Variants in SKAP2 observed in about 807,000 individuals in gnomAD.
SKAP2 encodes src kinase associated phosphoprotein 2.
SKAP2 carries 28 observed loss-of-function variants against 54.9 expected under a neutral mutation model. The observed-to-expected ratio is 0.51, with a 90% CI of 0.38 to 0.70. SKAP2 has a LOEUF of 0.70. SKAP2 is among the 30% of genes least tolerant of loss of function. The pLI is 0.00. For synonymous variants in SKAP2, 137 were observed against 134.3 expected, an observed-to-expected ratio of 1.02 and a Z score of -0.14; for missense variants, 356 against 424.1, an observed-to-expected ratio of 0.84 and a Z score of 1.41.
At chr7:26,786,850 G>T (rs757028705) in intron 4 of SKAP2, among the ~76,000 whole-genome samples, 17 of 151,704 alleles carry the variant, frequency 1.1e-4, no homozygotes, top group South Asian at 4.2e-4. Flanking sequence ...TTTTTTTAAG[G>T]TTAACTTAAC....
In SKAP2 at chr7:26,667,961, G is replaced by C. The variant is rs1309647040; in HGVS notation, c.*1705C>G. 1 of 152,082 alleles carries C rather than the reference G, an allele frequency of 6.6e-6. No individual in the cohort carries two copies. Among genetic ancestry groups the C allele is most frequent in the African/African-American group, 2.4e-5 (1 of 41,402 alleles). The allele number at this position is 152,082 out of a possible 1,614,324, so 9.4% of individuals were successfully genotyped here. ...TTCAATGGCACTATATGAGGAAAAGGTAAGAACTGCACAAATGTAACTTCT... is the reference window on the plus strand; with the variant it reads ...TTCAATGGCACTATATGAGGAAAAGCTAAGAACTGCACAAATGTAACTTCT... On this transcript the variant is annotated 3_prime_UTR_variant, in exon 13 of 13. Coordinates refer to ENST00000345317, the MANE Select transcript of SKAP2 (RefSeq NM_003930.5).
chr7:26,659,664 T>C, the SKAP2 span, among the ~76,000 whole-genome samples: 1 of 152,064 alleles, frequency 6.6e-6, no homozygotes, highest in African/African-American at 2.4e-5. Context: ...AGACATACAG[T>C]ATTAGGATTC....
At chr7:26,795,687 G>A (rs1473574615) in intron 4 of SKAP2, among the ~76,000 whole-genome samples, 2 of 152,156 alleles carry the variant, frequency 1.3e-5, no homozygotes, top group Non-Finnish European at 2.9e-5. Flanking sequence ...TCCAGATACA[G>A]TCTTATAAAA....
chr7:26,843,918 A>G, intron 4 of SKAP2, 112 bp downstream of exon 4: 1 of 654,772 alleles, frequency 1.5e-6, no homozygotes, highest in Non-Finnish European at 2.6e-6. Context: ...GTTTTGGTAA[A>G]GGTAAGTTAA....
chr7:26,739,872 GA>G lies in SKAP2; in HGVS notation c.385+14del. 4 of 1,572,470 alleles carry G rather than the reference GA, an allele frequency of 2.5e-6. No individual in the cohort carries two copies. Among genetic ancestry groups the G allele is most frequent in the Non-Finnish European group, 3.5e-6 (4 of 1,145,386 alleles). On this transcript the variant is annotated intron_variant, in intron 5 of 12. Transcript: ENST00000345317. ...GAAATTATTTTTACATTTTTCATTA[GA>G]ACCTTCAGTTTACCTTTTCTGCGTT...
chr7:26,679,813 A>G (rs991165818), intron 11 of SKAP2, among the ~76,000 whole-genome samples: 26 of 152,374 alleles, frequency 1.7e-4, no homozygotes, highest in African/African-American at 6.3e-4. Context: ...CATTCTTACA[A>G]TGAGAAGCAA....
At chr7:26,673,136 T>C (rs1176131208) in intron 11 of SKAP2, among the ~76,000 whole-genome samples, 1 of 151,958 alleles carries the variant, frequency 6.6e-6, no homozygotes, top group Non-Finnish European at 1.5e-5. Context: ...AAACAAAAAA[T>C]AGACAATCCA....
At chr7:26,785,301 C>T in intron 4 of SKAP2, among the ~76,000 whole-genome samples, 1 of 152,052 alleles carries the variant, frequency 6.6e-6, no homozygotes, top group East Asian at 1.9e-4. Flanking sequence ...ATTCTCCTGC[C>T]TCAGCCTCCC....
intron 9 of SKAP2, among the ~76,000 whole-genome samples, chr7:26,713,759 C>T (rs1301300298): frequency 6.6e-6 from 1 of 152,024 alleles, no homozygotes; most frequent in Non-Finnish European, 1.5e-5. Context: ...GCCACCACGC[C>T]CAGCTCATTT....
At chr7:26,663,131 T>G (rs1786044162), downstream of SKAP2, among the ~76,000 whole-genome samples, 1 of 152,116 alleles carries the variant, frequency 6.6e-6, no homozygotes, top group South Asian at 2.1e-4. Context: ...TTCTGAATAG[T>G]AGGCATGGAA....
chr7:26,826,989 A>C (rs921778077), intron 4 of SKAP2, among the ~76,000 whole-genome samples: 5 of 152,234 alleles, frequency 3.3e-5, no homozygotes, highest in African/African-American at 1.2e-4. Context: ...GGGGATTATA[A>C]CATACATAGA....
chr7:26,693,981 T>A (rs1786843228), intron 9 of SKAP2, among the ~76,000 whole-genome samples: 1 of 152,138 alleles, frequency 6.6e-6, no homozygotes, highest in African/African-American at 2.4e-5. Context: ...AAAAAAATCA[T>A]ACAAATAAAT....
chr7:26,788,878 G>A (rs961840224), intron 4 of SKAP2, among the ~76,000 whole-genome samples: 10 of 152,014 alleles, frequency 6.6e-5, no homozygotes, highest in South Asian at 2.1e-4. Context: ...AAAATAGACT[G>A]ACAATTTTCT....
At chr7:26,823,374 C>T (rs966528902) in intron 4 of SKAP2, among the ~76,000 whole-genome samples, 20 of 137,472 alleles carry the variant, frequency 1.5e-4, no homozygotes, top group African/African-American at 3.0e-4. Context: ...CGCAGTGAGC[C>T]GAGATCATGC....
chr7:26,757,736 T>C (rs1280711383), intron 4 of SKAP2, among the ~76,000 whole-genome samples: 1 of 152,196 alleles, frequency 6.6e-6, no homozygotes, highest in East Asian at 1.9e-4. Flanking sequence ...TTGATGGGGA[T>C]GGCATTGAAT....
chr7:26,850,301 C>T (rs78069083), intron 3 of SKAP2, among the ~76,000 whole-genome samples: 1,660 of 152,014 alleles, frequency 0.011, 31 homozygotes, highest in African/African-American at 0.039. Context: ...TTCTGTCGGC[C>T]GAGCATGGTG....
chr7:26,732,696 G>C (rs4722629), intron 6 of SKAP2, among the ~76,000 whole-genome samples: 5,577 of 152,166 alleles, frequency 0.037, 335 homozygotes, highest in African/African-American at 0.13. Flanking sequence ...AAACTGACTA[G>C]CAAGATGTTC....
chr7:26,781,597 T>C (rs774951099), intron 4 of SKAP2, among the ~76,000 whole-genome samples: 1 of 152,202 alleles, frequency 6.6e-6, no homozygotes, highest in Non-Finnish European at 1.5e-5. Context: ...CCCTAGGCTT[T>C]GTGAAATTGC....
chr7:26,835,252 C>A (rs2127993487), intron 4 of SKAP2, among the ~76,000 whole-genome samples: 1 of 152,276 alleles, frequency 6.6e-6, no homozygotes, highest in Admixed American at 6.5e-5. Context: ...ACTGAATGGG[C>A]AAAAGCTGGA....
Sources: gnomAD v4.1 joint callset for allele counts (sites outside exome capture counted in the v4.1 genomes callset) on GRCh38, gnomAD v4.1.1 for gene constraint, MANE v1.5 for transcripts, NCBI Gene and HGNC (gene_info 2026-07-23, HGNC 2026-07-21) for gene names.